Variants in FMN1 observed in about 807,000 individuals in gnomAD.
The protein encoded by FMN1 is formin-1.
Under a neutral mutation model 132.4 loss-of-function variants are expected in FMN1, and 110 were observed. The observed-to-expected ratio is 0.83, with a 90% CI of 0.71 to 0.97. The LOEUF is 0.97. Among genes scored for constraint, FMN1 ranks in the 50% least tolerant of loss-of-function variants. The pLI, the probability that FMN1 is intolerant of heterozygous loss-of-function variation, is 0.00. For missense variants in FMN1, 1,792 were observed against 1,705.3 expected, an observed-to-expected ratio of 1.05 and a Z score of -0.90; for synonymous variants, 722 against 651.7, an observed-to-expected ratio of 1.11 and a Z score of -1.64.
chr15:33,083,125 G>A (rs1181528278), intron 5 of FMN1, among the ~76,000 whole-genome samples: 1 of 152,144 alleles, frequency 6.6e-6, no homozygotes, highest in Non-Finnish European at 1.5e-5. Context: ...GATATAATGA[G>A]AAATACACTG....
chr15:33,075,020 CAA>C (rs57504432), intron 5 of FMN1, among the ~76,000 whole-genome samples: 279 of 61,634 alleles, frequency 4.5e-3, no homozygotes, highest in African/African-American at 0.022. Context: ...GATTCCATCT[CAA>C]AAAAAAAAAA....
rs2056168988 is a variant in FMN1 at position 32,769,831 on chromosome 15, G to A, written c.*4479C>T. ...ATTCTCTCCACTCTCTTCAGTTGTAGGGTCCCTAAAGGTAAAATAACTAAT... is the reference window on the plus strand; with the variant it reads ...ATTCTCTCCACTCTCTTCAGTTGTAAGGTCCCTAAAGGTAAAATAACTAAT... On this transcript the variant is annotated 3_prime_UTR_variant, in exon 21 of 21. Coordinates refer to ENST00000616417, the MANE Select transcript of FMN1 (RefSeq NM_001277313.2). 6.6e-6 allele frequency: 1 copy of A among 152,148 alleles called. No individual in the cohort carries two copies. Among genetic ancestry groups the A allele is most frequent in the Admixed American group, 6.5e-5 (1 of 15,274 alleles). The allele number at this position is 152,148 out of a possible 1,614,324, so 9.4% of individuals were successfully genotyped here.
intron 6 of FMN1, among the ~76,000 whole-genome samples, chr15:33,023,461 T>C (rs1232236200): frequency 6.6e-6 from 1 of 152,040 alleles, no homozygotes; most frequent in Non-Finnish European, 1.5e-5. Context: ...AGAATAATAA[T>C]CATCATAAAC....
At chr15:32,839,653 C>T (rs2058702555) in intron 17 of FMN1, among the ~76,000 whole-genome samples, 1 of 151,884 alleles carries the variant, frequency 6.6e-6, no homozygotes, top group African/African-American at 2.4e-5. Flanking sequence ...ATACTCTTGA[C>T]AGACTGTGGA....
chr15:32,812,118 T>A (rs2057904177), intron 17 of FMN1, among the ~76,000 whole-genome samples: 1 of 152,186 alleles, frequency 6.6e-6, no homozygotes, highest in Non-Finnish European at 1.5e-5. Context: ...TCATCTGAAC[T>A]GCAGAACACA....
chr15:33,012,171 C>A, intron 6 of FMN1: 1 of 550,492 alleles, frequency 1.8e-6, no homozygotes, highest in South Asian at 1.8e-5. Flanking sequence ...GGAAGCTCCT[C>A]ATCAGAGGGT....
intron 15 of FMN1, among the ~76,000 whole-genome samples, chr15:32,890,843 T>C (rs2060009823): frequency 6.6e-6 from 1 of 152,214 alleles, no homozygotes; most frequent in Non-Finnish European, 1.5e-5. Flanking sequence ...GTTTTTCCAA[T>C]GTTATCTTCT....
In FMN1 at chr15:32,898,696, TC is replaced by T. The variant is rs2060218515; in HGVS notation, c.3714+137del. ...CTAAACTCTCTTGGTTTCAGTGTGC[TC>T]ATCTGTAAACCACGCTGGAGAGCTC... On this transcript the variant is annotated intron_variant, in intron 15 of 20. Transcript: ENST00000616417. 4 of 579,072 alleles carry T rather than the reference TC, an allele frequency of 6.9e-6. No homozygotes were observed. In the East Asian group the frequency reaches 1.1e-4, roughly 16 times the overall value. 35.9% of individuals were successfully genotyped at this position (579,072 alleles called of 1,614,324 possible).
intron 4 of FMN1, among the ~76,000 whole-genome samples, chr15:33,144,437 C>G (rs1964129932): frequency 6.6e-6 from 1 of 151,958 alleles, no homozygotes; most frequent in African/African-American, 2.4e-5. Flanking sequence ...GAGATCAAGA[C>G]CATCCTGGCT....
intron 17 of FMN1, among the ~76,000 whole-genome samples, chr15:32,815,621 A>AG (rs529489091): frequency 3.0e-4 from 45 of 152,348 alleles, no homozygotes; most frequent in Non-Finnish European, 6.2e-4. Context: ...AGGAGACTGA[A>AG]TAGATAGTGG....
At chr15:33,061,261 G>A (rs904257803) in intron 6 of FMN1, among the ~76,000 whole-genome samples, 2 of 152,138 alleles carry the variant, frequency 1.3e-5, no homozygotes, top group Non-Finnish European at 2.9e-5. Context: ...CTGTCCCTGG[G>A]GAGAAAATCA....
chr15:32,902,286 A>G (rs2060317330), intron 12 of FMN1, among the ~76,000 whole-genome samples: 1 of 152,250 alleles, frequency 6.6e-6, no homozygotes, highest in South Asian at 2.1e-4. Context: ...TCGGGAACAG[A>G]AAGTTAACAC....
At chr15:33,023,717 C>T (rs2035529926) in intron 6 of FMN1, among the ~76,000 whole-genome samples, 1 of 151,888 alleles carries the variant, frequency 6.6e-6, no homozygotes, top group African/African-American at 2.4e-5. Context: ...GGCATTGACA[C>T]AGTGATAGAA....
chr15:32,869,341 G>A (rs2059462646), intron 16 of FMN1, among the ~76,000 whole-genome samples: 1 of 152,172 alleles, frequency 6.6e-6, no homozygotes, highest in Admixed American at 6.5e-5. Context: ...TAGGAAAAGT[G>A]TCACAGACAT....
At chr15:32,823,345 T>A (rs1415546693) in intron 17 of FMN1, among the ~76,000 whole-genome samples, 1 of 151,906 alleles carries the variant, frequency 6.6e-6, no homozygotes, top group Non-Finnish European at 1.5e-5. Flanking sequence ...TTTGTATTTT[T>A]AGTAGAGACA....
chr15:32,852,323 C>T (rs1482387640), intron 17 of FMN1, among the ~76,000 whole-genome samples: 1 of 152,184 alleles, frequency 6.6e-6, no homozygotes, highest in Non-Finnish European at 1.5e-5. Flanking sequence ...TCCTGTAATG[C>T]CTAAAACAGC....
At chr15:33,117,057 C>T (rs376719812) in intron 4 of FMN1, among the ~76,000 whole-genome samples, 16 of 152,124 alleles carry the variant, frequency 1.1e-4, no homozygotes, top group African/African-American at 3.9e-4. Flanking sequence ...CCTGCAGAGA[C>T]TGAGAAATAT....
chr15:32,847,979 A>G (rs767469438), intron 17 of FMN1, among the ~76,000 whole-genome samples: 1 of 152,186 alleles, frequency 6.6e-6, no homozygotes, highest in Non-Finnish European at 1.5e-5. Context: ...GTTTGTGATT[A>G]GGTTTAAAGG....
chr15:32,775,458 T>G (rs2056386405), intron 20 of FMN1, among the ~76,000 whole-genome samples: 1 of 152,102 alleles, frequency 6.6e-6, no homozygotes, highest in Non-Finnish European at 1.5e-5. Context: ...GGAACAAGCT[T>G]GGCTGTAAAA....
Sources: gnomAD v4.1 joint callset for allele counts (sites outside exome capture counted in the v4.1 genomes callset) on GRCh38, gnomAD v4.1.1 for gene constraint, MANE v1.5 for transcripts, NCBI Gene and HGNC (gene_info 2026-07-23, HGNC 2026-07-21) for gene names.